SNAP91: variants seen among roughly 807,000 people sequenced by gnomAD.
SNAP91 encodes synaptosome associated protein 91.
A neutral mutation model predicts 100.3 loss-of-function variants in SNAP91; 27 were observed. The ratio of observed to expected loss-of-function variants is 0.27; its 90% CI spans 0.20 to 0.37. The LOEUF (loss-of-function observed/expected upper bound fraction) is 0.37, where lower values mean the gene tolerates loss of function less well. SNAP91 is among the 10% of genes least tolerant of loss of function. The pLI is 1.00. For missense variants in SNAP91, 986 were observed against 1,123.7 expected, an observed-to-expected ratio of 0.88 and a Z score of 1.75; for synonymous variants, 404 against 398.6, an observed-to-expected ratio of 1.01 and a Z score of -0.16.
chr6:83,614,883 C>A (rs759324901), intron 10 of SNAP91, 21 bp from the exon 11 acceptor site: 1 of 1,583,622 alleles, frequency 6.3e-7, no homozygotes, highest in South Asian at 1.1e-5. Flanking sequence ...AAGGTAAGCA[C>A]AAACATACAA....
At chr6:83,615,928 A>G (rs935698225) in intron 10 of SNAP91, among the ~76,000 whole-genome samples, 6 of 152,164 alleles carry the variant, frequency 3.9e-5, no homozygotes, top group African/African-American at 1.4e-4. Context: ...TGATCATTTT[A>G]CGGGTTGTCT....
chr6:83,571,656 T>C (rs2128036706), intron 26 of SNAP91, among the ~76,000 whole-genome samples: 1 of 152,340 alleles, frequency 6.6e-6, no homozygotes, highest in African/African-American at 2.4e-5. Context: ...ACTTGCCTTG[T>C]CTCAGATGAG....
Position 83,617,031 on chromosome 6 carries a change from G to T in SNAP91, c.816C>A (p.Ser272Arg). Residue 272 changes from serine (S) to arginine (R), a missense_variant, in exon 10 of 30, where the codon AGC (serine) becomes AGA (arginine). Around this residue, in one of 4 missense-constraint regions of SNAP91, gnomAD observed 330 missense variants for 447.5 expected, o/e 0.74. Transcript: ENST00000369694. ...GCTGTTCAAGCGTCTCCATAAGACT[G>T]CTGGGAGCCTACAATAAGAAAGTAA... ...GDIPDLTQAP[S>R]SLMETLEQHL... is the part of the protein sequence containing the mutation. The T allele has an allele frequency of 6.5e-7, 1 of 1,538,364 alleles. No individual in the cohort carries two copies. The highest frequency in any genetic ancestry group is 8.8e-7 in the Non-Finnish European group (1 of 1,140,374).
Position 83,607,019 on chromosome 6 carries a change from A to C in SNAP91, c.1022+680T>G, listed in dbSNP as rs2095657464. Among the ~76,000 whole-genome samples the C allele has an allele frequency of 2.0e-5, 3 of 152,220 alleles. No individual in the cohort carries two copies. The South Asian group carries it at 6.2e-4, about 32-fold the overall frequency. ...GATTTCTTGCTCAGTTCAAAGTTCA[A>C]GTCTCCAAACATAGGGCATTCATAA... On this transcript the variant is annotated intron_variant, in intron 13 of 29. Coordinates refer to ENST00000369694, the MANE Select transcript of SNAP91 (RefSeq NM_001242792.2).
At chr6:83,572,920 AT>A (rs952883396) in intron 26 of SNAP91, among the ~76,000 whole-genome samples, 6 of 152,164 alleles carry the variant, frequency 3.9e-5, no homozygotes, top group African/African-American at 1.4e-4. Flanking sequence ...TTTTATTCAG[AT>A]TTATTTACTC....
At chr6:83,562,072 C>T (rs944908385) in intron 26 of SNAP91, among the ~76,000 whole-genome samples, 1 of 151,914 alleles carries the variant, frequency 6.6e-6, no homozygotes, top group South Asian at 2.1e-4. Context: ...AAAGAAAAAC[C>T]CAGAACTAGA....
intron 24 of SNAP91, among the ~76,000 whole-genome samples, chr6:83,578,679 T>C (rs1225201324): frequency 6.6e-6 from 1 of 152,214 alleles, no homozygotes; most frequent in African/African-American, 2.4e-5. Flanking sequence ...ATTCTATGGT[T>C]TGTCCTTTCA....
intron 2 of SNAP91, among the ~76,000 whole-genome samples, chr6:83,697,274 T>C (rs575194243): frequency 7.8e-4 from 118 of 151,490 alleles, no homozygotes; most frequent in African/African-American, 2.8e-3. Flanking sequence ...ATAAAATGAA[T>C]ATTGAAAAAC....
At position 83,614,881 on chromosome 6, in the gene SNAP91, C is replaced by A. The variant is rs1457256247; in HGVS notation, c.879-19G>T. 6.3e-7 allele frequency: 1 copy of A among 1,585,108 alleles called. No homozygotes were observed. The highest frequency in any genetic ancestry group is 8.5e-7 in the Non-Finnish European group (1 of 1,170,272). On this transcript the variant is annotated intron_variant, in intron 10 of 29. Transcript: ENST00000369694. ...CCCTTCACTTAAGTTCCAAGGTAAG[C>A]ACAAACATACAAAGAAGAGAATAGT...
intron 7 of SNAP91, among the ~76,000 whole-genome samples, chr6:83,656,390 G>A (rs1224776623): frequency 1.3e-5 from 2 of 152,152 alleles, no homozygotes; most frequent in Non-Finnish European, 2.9e-5. Context: ...AGGCTTATAT[G>A]CCTATCATCA....
chr6:83,638,206 CCCTCTTCAACT>C, intron 8 of SNAP91, among the ~76,000 whole-genome samples: 1 of 152,254 alleles, frequency 6.6e-6, no homozygotes, highest in Non-Finnish European at 1.5e-5. Flanking sequence ...CCGGCTTCCT[CCCTCTTCAACT>C]ATGTTGAAGG....
At chr6:83,669,571 A>C (rs1022729901) in intron 2 of SNAP91, among the ~76,000 whole-genome samples, 3 of 145,212 alleles carry the variant, frequency 2.1e-5, no homozygotes, top group African/African-American at 7.3e-5. Context: ...CACTCATAAA[A>C]CCAAAACCAA....
chr6:83,615,553 T>C (rs942916121), intron 10 of SNAP91, among the ~76,000 whole-genome samples: 36 of 152,144 alleles, frequency 2.4e-4, no homozygotes, highest in Non-Finnish European at 4.6e-4. Context: ...TGTACTCTCA[T>C]GTCAAGTCTG....
At chr6:83,625,152 G>T (rs553224980) in intron 8 of SNAP91, among the ~76,000 whole-genome samples, 1 of 152,182 alleles carries the variant, frequency 6.6e-6, no homozygotes, top group Admixed American at 6.5e-5. Flanking sequence ...TTGGTTTTCT[G>T]TTTCTGCATT....
intron 8 of SNAP91, among the ~76,000 whole-genome samples, chr6:83,638,197 C>T (rs1324727312): frequency 2.0e-5 from 3 of 152,250 alleles, no homozygotes; most frequent in Non-Finnish European, 4.4e-5. Flanking sequence ...GCAGGTTTCC[C>T]GGCTTCCTCC....
intron 14 of SNAP91, among the ~76,000 whole-genome samples, chr6:83,601,817 C>T (rs1361570434): frequency 6.6e-6 from 1 of 152,124 alleles, no homozygotes; most frequent in African/African-American, 2.4e-5. Context: ...CAAGTTTCAC[C>T]TTTAGACATG....
At chr6:83,626,008 T>G (rs1451151809) in intron 8 of SNAP91, among the ~76,000 whole-genome samples, 1 of 151,628 alleles carries the variant, frequency 6.6e-6, no homozygotes, top group Non-Finnish European at 1.5e-5. Context: ...TGAGGTCTTT[T>G]ATCCATCTTT....
rs769348864 is a variant in SNAP91, at chr6:83,576,070, G to A, written c.2300-17C>T. The A allele has an allele frequency of 2.4e-6, 3 of 1,258,854 alleles. No homozygotes were observed. The highest frequency in any genetic ancestry group is 1.5e-5 in the African/African-American group (1 of 65,132). The allele number at this position is 1,258,854 out of a possible 1,614,324, so 78.0% of individuals were successfully genotyped here. On this transcript the variant is annotated splice_polypyrimidine_tract_variant and intron_variant, in intron 24 of 29. Coordinates refer to ENST00000369694, the MANE Select transcript of SNAP91 (RefSeq NM_001242792.2). ...TTCCAAGATCTATAAATGGATAAAA[G>A]AAAAAAGAATGTAAATCTCTACACT... is the stretch of plus-strand genomic sequence containing the variant.
At chr6:83,621,857 T>C (rs969712375) in intron 9 of SNAP91, among the ~76,000 whole-genome samples, 16 of 152,254 alleles carry the variant, frequency 1.1e-4, no homozygotes, top group African/African-American at 3.8e-4. Flanking sequence ...AAGCTATTCA[T>C]TAGCTTCTAA....
Sources: gnomAD v4.1 joint callset for allele counts (sites outside exome capture counted in the v4.1 genomes callset) on GRCh38, gnomAD v4.1.1 for gene constraint, gnomAD v4.1.1 regional missense constraint, MANE v1.5 for transcripts, NCBI Gene and HGNC (gene_info 2026-07-23, HGNC 2026-07-21) for gene names.